Variants in ZNF99 observed in about 807,000 individuals in gnomAD.
ZNF99 encodes zinc finger protein 99.
ZNF99 carries 8 observed loss-of-function variants against 12.8 expected under a neutral mutation model. The observed-to-expected ratio is 0.62, with a 90% confidence interval of 0.37 to 1.13. The LOEUF (loss-of-function observed/expected upper bound fraction) is 1.13, where lower values mean the gene tolerates loss of function less well. ZNF99 is among the 50% of genes most tolerant of loss of function. The pLI is 0.02. For missense variants in ZNF99, 1,007 were observed against 1,006.2 expected, an observed-to-expected ratio of 1.00 and a Z score of -0.01; for synonymous variants, 318 against 319.0, an observed-to-expected ratio of 1.00 and a Z score of 0.03.
Position 22,768,415 on chromosome 19 carries a change from A to G in ZNF99, c.131-15T>C, listed in dbSNP as rs777104611. 3.2e-6 allele frequency: 5 copies of G among 1,584,840 alleles called. No individual in the cohort carries two copies. The highest frequency in any genetic ancestry group is 3.4e-6 in the Non-Finnish European group (4 of 1,164,566). On this transcript the variant is annotated splice_polypyrimidine_tract_variant and intron_variant, in intron 2 of 3. Transcript: ENST00000596209. ...GACAGCGATACCTGTTTTATTAAAA[A>G]TAAATAACATAAATATTGCTCATAT... is the stretch of plus-strand genomic sequence containing the variant.
chr19:22,780,596 C>T (rs1973376651), intron 1 of ZNF99, among the ~76,000 whole-genome samples: 1 of 150,936 alleles, frequency 6.6e-6, no homozygotes, highest in Admixed American at 6.6e-5. Flanking sequence ...GAGGCTGAGG[C>T]AGGAGAATCA....
At chr19:22,771,241 A>ATTTT (rs1029403627) in intron 1 of ZNF99, 2 of 89,038 alleles carry the variant, frequency 2.2e-5, no homozygotes, top group African/African-American at 9.2e-5. Flanking sequence ...TTTAAAAAGC[A>ATTTT]TTTTCTTTTT....
chr19:22,764,154 G>GTC (rs1470372234), intron 3 of ZNF99, among the ~76,000 whole-genome samples: 1 of 151,840 alleles, frequency 6.6e-6, no homozygotes, highest in East Asian at 1.9e-4. Context: ...TGATCCACCC[G>GTC]TCTCAGCCTC....
intron 3 of ZNF99, among the ~76,000 whole-genome samples, chr19:22,765,635 G>A (rs62120115): frequency 0.086 from 12,995 of 151,332 alleles, 571 homozygotes; most frequent in Middle Eastern, 0.11. Context: ...AAAAAATAAA[G>A]ACTTTCCAAA....
chr19:22,760,267 A>T (rs1304927274), intron 3 of ZNF99, among the ~76,000 whole-genome samples: 1 of 152,184 alleles, frequency 6.6e-6, no homozygotes, highest in Non-Finnish European at 1.5e-5. Context: ...TACTCCAGCC[A>T]GCGTGACACA....
intron 1 of ZNF99, among the ~76,000 whole-genome samples, chr19:22,775,990 C>T (rs372250544): frequency 1.3e-4 from 20 of 151,574 alleles, no homozygotes; most frequent in Admixed American, 1.1e-3. Flanking sequence ...CCACTGCACT[C>T]GAGCCTAGGC....
intron 1 of ZNF99, among the ~76,000 whole-genome samples, chr19:22,776,557 T>C (rs1440678585): frequency 1.3e-5 from 2 of 150,602 alleles, no homozygotes; most frequent in South Asian, 2.1e-4. Flanking sequence ...AAAATGGCTA[T>C]TACTACAAAG....
At position 22,769,942 on chromosome 19, in the gene ZNF99, T is replaced by C. The variant is rs747656594; in HGVS notation, c.4-618A>G. 3.4e-5 allele frequency: 46 copies of C among 1,360,714 alleles called. No homozygotes were observed. The Middle Eastern group carries it at 8.4e-4, about 25-fold the overall frequency. The allele number at this position is 1,360,714 out of a possible 1,614,324, so 84.3% of individuals were successfully genotyped here. A position where few individuals can be genotyped will look rare whatever the true frequency, so the allele number is the denominator to read the frequency against. The stretch of plus-strand genomic sequence containing the variant: ...ATTTTTGAGTGCTATTTTTAAATCA[T>C]ACAGAATAAGTCTTGTACATTTTTC... On this transcript the variant is annotated intron_variant, in intron 1 of 3. Coordinates refer to ENST00000596209, the MANE Select transcript of ZNF99 (RefSeq NM_001080409.3).
Position 22,753,726 on chromosome 19 carries a change from ACT to A in ZNF99, c.*3586_*3587del, listed in dbSNP as rs1253195602. 2 of 164,556 alleles carry A rather than the reference ACT, an allele frequency of 1.2e-5. No homozygotes were observed. Among genetic ancestry groups the A allele is most frequent in the Non-Finnish European group, 2.6e-5 (2 of 75,642 alleles). The allele number at this position is 164,556 out of a possible 1,614,324, so 10.2% of individuals were successfully genotyped here. A position where few individuals can be genotyped will look rare whatever the true frequency, so the allele number is the denominator to read the frequency against. On this transcript the variant is annotated 3_prime_UTR_variant, in exon 4 of 4. Transcript: ENST00000596209. The stretch of plus-strand genomic sequence containing the variant: ...TTTTTAATATTTGTTTTAAGTATAA[ACT>A]CTGTGATGTTAAGATGTGAGCAGAT...
chr19:22,776,223 C>T (rs1312085208), intron 1 of ZNF99, among the ~76,000 whole-genome samples: 3 of 150,468 alleles, frequency 2.0e-5, no homozygotes, highest in Admixed American at 1.3e-4. Context: ...TGGTGGCAGG[C>T]GCCTATAATT....
chr19:22,775,205 A>G (rs1397522500), intron 1 of ZNF99, among the ~76,000 whole-genome samples: 3 of 152,190 alleles, frequency 2.0e-5, no homozygotes, highest in African/African-American at 7.2e-5. Context: ...TACTGGTACA[A>G]GAAACAGACT....
intron 1 of ZNF99, among the ~76,000 whole-genome samples, chr19:22,772,209 G>A (rs1252254559): frequency 6.6e-6 from 1 of 152,136 alleles, no homozygotes; most frequent in Non-Finnish European, 1.5e-5. Flanking sequence ...TGGACAGAGA[G>A]TGAGTTGATA....
At chr19:22,763,779 G>A (rs1233736914) in intron 3 of ZNF99, among the ~76,000 whole-genome samples, 2 of 151,382 alleles carry the variant, frequency 1.3e-5, no homozygotes, top group African/African-American at 2.4e-5. Flanking sequence ...TATAAAAATA[G>A]GCACATAAAC....
rs1434877591 is a variant in ZNF99, at chr19:22,758,126, A to G, written c.1783T>C (p.Cys595Arg). Residue 595 changes from cysteine (C) to arginine (R), a missense_variant, in exon 4 of 4, where the codon TGT becomes CGT. Cys to Arg is a radical substitution (Grantham distance 180). Coordinates refer to ENST00000596209, the MANE Select transcript of ZNF99 (RefSeq NM_001080409.3). ...TTAAAAGCTTTGCCACATTCTTCACATTTGTAGGGTTTCTCCCCAGTATGA... is the reference window on the plus strand; with the variant it reads ...TTAAAAGCTTTGCCACATTCTTCACGTTTGTAGGGTTTCTCCCCAGTATGA... Reference protein sequence around the residue: ...AIHTGEKPYKCEECGKAFNHF... With the variant: ...AIHTGEKPYKREECGKAFNHF... 1.2e-5 allele frequency: 20 copies of G among 1,612,074 alleles called. No homozygotes were observed. Among genetic ancestry groups the G allele is most frequent in the Non-Finnish European group, 1.7e-5 (20 of 1,178,674 alleles).
At chr19:22,765,256 T>C (rs763658828) in intron 3 of ZNF99, among the ~76,000 whole-genome samples, 47 of 152,270 alleles carry the variant, frequency 3.1e-4, no homozygotes, top group Admixed American at 1.6e-3. Flanking sequence ...CATCGTATGT[T>C]CTCACTGATA....
intron 3 of ZNF99, among the ~76,000 whole-genome samples, chr19:22,766,468 A>G (rs62120118): frequency 0.085 from 12,907 of 151,008 alleles, 564 homozygotes; most frequent in Middle Eastern, 0.11. Context: ...CCTCCCAAGC[A>G]GCTAGGACTA....
rs2145136922 is a variant in ZNF99 at position 22,755,579 on chromosome 19, GAGA to G, written c.*1732_*1734del. ...AATTATCTTATGTTCAGTAAGTTTT[GAGA>G]AGCAGTTAAAAGTTTTGCCAAATTC... On this transcript the variant is annotated 3_prime_UTR_variant, in exon 4 of 4. Transcript: ENST00000596209. 3.5e-6 allele frequency: 1 copy of G among 286,274 alleles called. No individual in the cohort carries two copies. Among genetic ancestry groups the G allele is most frequent in the East Asian group, 8.9e-5 (1 of 11,226 alleles). 17.7% of individuals were successfully genotyped at this position (286,274 alleles called of 1,614,324 possible). A position where few individuals can be genotyped will look rare whatever the true frequency, so the allele number is the denominator to read the frequency against.
At position 22,781,251 on chromosome 19, in the gene ZNF99, A is replaced by C. The variant is rs182126160; in HGVS notation, c.3+2763T>G. Among the ~76,000 whole-genome samples, 455 of 152,160 alleles carry C rather than the reference A, an allele frequency of 3.0e-3. 3 individuals are homozygous for C. The highest frequency in any genetic ancestry group is 5.6e-3 in the Non-Finnish European group (379 of 68,010). ...TACAGATGTGTCTGATTCATGTGTC[A>C]AGTCAGGCCATCCAATCACTTAAGA... is the stretch of plus-strand genomic sequence containing the variant. On this transcript the variant is annotated intron_variant, in intron 1 of 3. Coordinates refer to ENST00000596209, the MANE Select transcript of ZNF99 (RefSeq NM_001080409.3).
rs749391021 is a variant in ZNF99, at chr19:22,758,236, A to G, written c.1673T>C (p.Ile558Thr). ...TTTGTATGGTTTCTTCCCAGTATGA[A>G]TTATCTTATGTTTCATAAGGGTTGA... is the stretch of plus-strand genomic sequence containing the variant. ...NSSTLMKHKIIHTGKKPYKCE... is the reference protein window; with the variant it reads ...NSSTLMKHKITHTGKKPYKCE... Residue 558 changes from isoleucine (I) to threonine (T), a missense_variant, in exon 4 of 4, where the codon ATT (isoleucine) becomes ACT (threonine). Physicochemically the swap from Ile to Thr is moderately conservative, Grantham distance 89. Transcript: ENST00000596209. 2.5e-6 allele frequency: 4 copies of G among 1,600,482 alleles called. No homozygotes were observed. The highest frequency in any genetic ancestry group is 1.3e-5 in the African/African-American group (1 of 74,572).
Sources: allele counts gnomAD v4.1 joint callset (sites outside exome capture counted in the v4.1 genomes callset), GRCh38; gene constraint gnomAD v4.1.1; transcripts MANE v1.5; gene names NCBI Gene and HGNC (gene_info 2026-07-23, HGNC 2026-07-21).